TNFSF4: variants seen among roughly 807,000 people sequenced by gnomAD.
TNFSF4 encodes the protein TNF superfamily member 4, also known as tumor necrosis factor ligand superfamily member 4.
In TNFSF4, 4 loss-of-function variants were observed where a neutral mutation model predicts 7.3. The observed-to-expected ratio is 0.55, with a 90% CI of 0.27 to 1.25. The LOEUF is 1.25. TNFSF4 is among the 50% of genes most tolerant of loss of function. The pLI is 0.12. For synonymous variants in TNFSF4, 76 were observed against 83.7 expected (o/e 0.91, Z 0.50); for missense variants, 181 against 208.8 (o/e 0.87, Z 0.82).
the TNFSF4 span, among the ~76,000 whole-genome samples, chr1:173,378,271 G>C: frequency 6.6e-6 from 1 of 150,980 alleles, no homozygotes; most frequent in East Asian, 1.9e-4. Flanking sequence ...CAACTATTCT[G>C]ATCAGCAGGG....
downstream of TNFSF4, among the ~76,000 whole-genome samples, chr1:173,181,517 A>G (rs895073182): frequency 8.5e-5 from 13 of 152,194 alleles, no homozygotes; most frequent in Admixed American, 3.3e-4. Flanking sequence ...AGTTCCATTG[A>G]CCAAAATTTG....
intron 1 of TNFSF4, among the ~76,000 whole-genome samples, chr1:173,202,292 G>A (rs998074500): frequency 2.0e-5 from 3 of 152,030 alleles, no homozygotes; most frequent in Non-Finnish European, 4.4e-5. Flanking sequence ...GTGCATACAC[G>A]TGCAATATTT....
At chr1:173,385,722 C>CCAGCT in the TNFSF4 span, among the ~76,000 whole-genome samples, 1 of 152,112 alleles carries the variant, frequency 6.6e-6, no homozygotes, top group African/African-American at 2.4e-5. Context: ...GCCTGTAATC[C>CCAGCT]CAGCTTCTTG....
the TNFSF4 span, among the ~76,000 whole-genome samples, chr1:173,413,323 G>C: frequency 1.3e-5 from 2 of 152,128 alleles, no homozygotes; most frequent in Non-Finnish European, 2.9e-5. Context: ...TTCCTATGTG[G>C]GGGTTCTGAA....
the TNFSF4 span, among the ~76,000 whole-genome samples, chr1:173,314,813 C>G: frequency 6.6e-6 from 1 of 151,840 alleles, no homozygotes; most frequent in African/African-American, 2.4e-5. Context: ...GGCATCAGAG[C>G]TGGAGATACC....
the TNFSF4 span, among the ~76,000 whole-genome samples, chr1:173,411,123 A>G: frequency 1.3e-5 from 2 of 152,220 alleles, no homozygotes; most frequent in Admixed American, 6.5e-5. Flanking sequence ...GGACCAGGGC[A>G]TATCACTTTG....
At chr1:173,393,336 T>A in the TNFSF4 span, among the ~76,000 whole-genome samples, 1 of 152,236 alleles carries the variant, frequency 6.6e-6, no homozygotes, top group Non-Finnish European at 1.5e-5. Context: ...TCACTCAACA[T>A]ACTTTGTTAT....
the TNFSF4 span, among the ~76,000 whole-genome samples, chr1:173,378,870 A>ACCC: frequency 1.6e-4 from 24 of 147,336 alleles, no homozygotes; most frequent in South Asian, 6.5e-4. Flanking sequence ...GACCACAAGA[A>ACCC]CCCCCCTCCC....
At chr1:173,210,644 A>T (rs1650343068), upstream of TNFSF4, among the ~76,000 whole-genome samples, 1 of 152,162 alleles carries the variant, frequency 6.6e-6, no homozygotes, top group Non-Finnish European at 1.5e-5. Context: ...ATATGATATG[A>T]TATGATTACA....
the TNFSF4 span, among the ~76,000 whole-genome samples, chr1:173,248,493 A>G: frequency 6.7e-6 from 1 of 149,714 alleles, no homozygotes; most frequent in Admixed American, 6.6e-5. Flanking sequence ...GGAAGGAAGG[A>G]AAGAAAGAAA....
chr1:173,313,748 C>T, the TNFSF4 span, among the ~76,000 whole-genome samples: 2 of 152,076 alleles, frequency 1.3e-5, no homozygotes, highest in Non-Finnish European at 2.9e-5. Flanking sequence ...TATCTTCTCT[C>T]TTCGTATATT....
At chr1:173,209,850 C>A (rs140333490), upstream of TNFSF4, among the ~76,000 whole-genome samples, 2 of 152,148 alleles carry the variant, frequency 1.3e-5, no homozygotes, top group South Asian at 4.2e-4. Context: ...ATAAGCACAC[C>A]AGAGCAAATC....
chr1:173,357,551 G>A, the TNFSF4 span, among the ~76,000 whole-genome samples: 51 of 150,770 alleles, frequency 3.4e-4, no homozygotes, highest in Non-Finnish European at 5.8e-4. Flanking sequence ...TTTTTTTTGA[G>A]ATGGAGTTTT....
the TNFSF4 span, among the ~76,000 whole-genome samples, chr1:173,217,530 A>G: frequency 2.6e-5 from 4 of 152,220 alleles, no homozygotes; most frequent in African/African-American, 9.6e-5. Flanking sequence ...TTAGCATTCA[A>G]TAATTGTTAG....
chr1:173,214,392 A>G, the TNFSF4 span, among the ~76,000 whole-genome samples: 5 of 152,230 alleles, frequency 3.3e-5, no homozygotes, highest in Admixed American at 1.3e-4. Flanking sequence ...CTAGATGCCC[A>G]GTAAAGTTTA....
At chr1:173,298,051 T>C in the TNFSF4 span, among the ~76,000 whole-genome samples, 37 of 152,048 alleles carry the variant, frequency 2.4e-4, no homozygotes, top group Non-Finnish European at 4.7e-4. Context: ...GCTGATCACT[T>C]ACTTTCAGGA....
chr1:173,424,528 A>G, the TNFSF4 span, among the ~76,000 whole-genome samples: 14 of 152,170 alleles, frequency 9.2e-5, no homozygotes, highest in Admixed American at 9.2e-4. Context: ...AGCCAGAGAG[A>G]AACTGTCTGT....
chr1:173,317,116 G>T, the TNFSF4 span, among the ~76,000 whole-genome samples: 1 of 152,172 alleles, frequency 6.6e-6, no homozygotes, highest in Admixed American at 6.5e-5. Context: ...GAGCTGCCAT[G>T]TTAGAGGTCA....
the TNFSF4 span, among the ~76,000 whole-genome samples, chr1:173,258,080 G>T: frequency 6.6e-6 from 1 of 152,116 alleles, no homozygotes; most frequent in African/African-American, 2.4e-5. Flanking sequence ...GAGGTTAGCA[G>T]TTATCTCCCG....
Sources: gnomAD v4.1 joint callset for allele counts (sites outside exome capture counted in the v4.1 genomes callset) on GRCh38, gnomAD v4.1.1 for gene constraint, MANE v1.5 for transcripts, NCBI Gene and HGNC (gene_info 2026-07-23, HGNC 2026-07-21) for gene names.